RIOK1: variants seen among roughly 807,000 people sequenced by gnomAD.
RIOK1 encodes serine/threonine-protein kinase RIO1.
RIOK1 carries 66 observed loss-of-function variants against 73.5 expected under a neutral mutation model. That is an observed-to-expected ratio of 0.90 (90% CI 0.74 to 1.10). The LOEUF is 1.10. RIOK1 is among the 50% of genes least tolerant of loss of function. The pLI is 0.00. For missense variants in RIOK1, 658 were observed against 699.8 expected, an observed-to-expected ratio of 0.94 and a Z score of 0.67; for synonymous variants, 224 against 226.8, an observed-to-expected ratio of 0.99 and a Z score of 0.11.
At chr6:7,395,274 G>T (rs1348808857) in intron 3 of RIOK1, 131 bp downstream of exon 3, 1 of 961,268 alleles carries the variant, frequency 1.0e-6, no homozygotes, top group Non-Finnish European at 1.6e-6. Context: ...GGCACTTTGG[G>T]AGGCTGAAGT....
chr6:7,411,646 T>A, intron 14 of RIOK1, 195 bp downstream of exon 14: 1 of 522,758 alleles, frequency 1.9e-6, no homozygotes, highest in Non-Finnish European at 3.4e-6. Flanking sequence ...TGAGAGGAGG[T>A]AACACATTTG....
Sources: allele counts gnomAD v4.1 joint callset, GRCh38; gene constraint gnomAD v4.1.1; transcripts MANE v1.5; gene names NCBI Gene and HGNC (gene_info 2026-07-23, HGNC 2026-07-21).